The following RABGAP1 variants were observed in gnomAD, a reference collection of about 807,000 sequenced individuals.
The protein encoded by RABGAP1 is rab GTPase-activating protein 1.
In RABGAP1, 23 loss-of-function variants were observed where a neutral mutation model predicts 137.6. The observed-to-expected ratio is 0.17, with a 90% confidence interval of 0.12 to 0.24. The LOEUF (loss-of-function observed/expected upper bound fraction) is 0.24. RABGAP1 is among the 10% of genes least tolerant of loss of function. RABGAP1 has a pLI of 1.00. For missense variants in RABGAP1, 906 were observed against 1,275.8 expected, an observed-to-expected ratio of 0.71 and a Z score of 4.42; for synonymous variants, 451 against 450.7, an observed-to-expected ratio of 1.00 and a Z score of -0.01.
upstream of RABGAP1, chr9:122,940,898 GT>G (rs1833503599): frequency 6.6e-6 from 1 of 152,290 alleles, no homozygotes; most frequent in African/African-American, 2.4e-5. Context: ...TCGCTTCCCG[GT>G]ATTGGGCCAA....
chr9:123,025,135 G>C (rs1158479372), intron 13 of RABGAP1, among the ~76,000 whole-genome samples: 1 of 152,168 alleles, frequency 6.6e-6, no homozygotes, highest in East Asian at 1.9e-4. Flanking sequence ...CTTTCTTCCA[G>C]ATGGATAACC....
chr9:122,989,024 A>G (rs1836519286), intron 4 of RABGAP1, among the ~76,000 whole-genome samples: 1 of 148,814 alleles, frequency 6.7e-6, no homozygotes, highest in Non-Finnish European at 1.5e-5. Flanking sequence ...ATTTTGTAGC[A>G]GACTGTATAA....
chr9:122,997,719 G>A (rs557664901), intron 9 of RABGAP1, among the ~76,000 whole-genome samples: 148 of 152,242 alleles, frequency 9.7e-4, no homozygotes, highest in African/African-American at 3.5e-3. Context: ...ACAGTCCCCA[G>A]GGCTCTGTCC....
chr9:122,950,102 A>G (rs1390087607), intron 1 of RABGAP1, among the ~76,000 whole-genome samples: 3 of 152,194 alleles, frequency 2.0e-5, no homozygotes, highest in Admixed American at 2.0e-4. Context: ...GTTTTGAGGA[A>G]AGGGGAGGTA....
intron 21 of RABGAP1, among the ~76,000 whole-genome samples, chr9:123,091,224 T>C (rs2035022924): frequency 2.6e-5 from 4 of 152,164 alleles, no homozygotes; most frequent in East Asian, 1.9e-4. Flanking sequence ...TTTCTACTCA[T>C]TGGTTTCCTA....
chr9:122,967,843 C>G (rs555991297), intron 2 of RABGAP1, among the ~76,000 whole-genome samples: 1 of 151,954 alleles, frequency 6.6e-6, no homozygotes, highest in South Asian at 2.1e-4. Flanking sequence ...TCTCCTGCCT[C>G]AGCCTCCTGA....
At chr9:123,041,610 G>T (rs1259415052) in intron 13 of RABGAP1, among the ~76,000 whole-genome samples, 1 of 152,110 alleles carries the variant, frequency 6.6e-6, no homozygotes, top group African/African-American at 2.4e-5. Flanking sequence ...GGTATAATAT[G>T]GATAAAAAGA....
At chr9:123,034,636 A>AAGG in intron 13 of RABGAP1, 2 of 1,613,858 alleles carry the variant, frequency 1.2e-6, no homozygotes, top group Non-Finnish European at 1.7e-6. Context: ...CTATTTGGAA[A>AAGG]CTGTCAATTT....
chr9:122,979,977 A>G (rs1281298424), intron 2 of RABGAP1, among the ~76,000 whole-genome samples: 1 of 152,258 alleles, frequency 6.6e-6, no homozygotes, highest in Admixed American at 6.5e-5. Flanking sequence ...TCTGGAGATA[A>G]GTAGTTGCTA....
chr9:123,063,235 T>C (rs2034046566), intron 13 of RABGAP1: 1 of 152,822 alleles, frequency 6.5e-6, no homozygotes, highest in African/African-American at 2.4e-5. Context: ...CCTTCGTAGT[T>C]GTCTTAAACC....
At chr9:122,989,985 AT>A (rs1836584091) in intron 5 of RABGAP1, 70 bp from the exon 6 acceptor site, 1 of 1,409,822 alleles carries the variant, frequency 7.1e-7, no homozygotes. Context: ...AAAGTAGGTA[AT>A]CTTCCAGCCT....
chr9:122,933,716 C>T, the RABGAP1 span, among the ~76,000 whole-genome samples: 14 of 152,046 alleles, frequency 9.2e-5, no homozygotes, highest in Non-Finnish European at 2.1e-4. Flanking sequence ...CCTCCACCTC[C>T]TGGGTTCAAG....
At chr9:123,075,686 T>G (rs191242739) in intron 17 of RABGAP1, among the ~76,000 whole-genome samples, 36 of 152,330 alleles carry the variant, frequency 2.4e-4, no homozygotes, top group Admixed American at 2.2e-3. Flanking sequence ...TTACATAAAC[T>G]TTTCAGCTAA....
intron 13 of RABGAP1, among the ~76,000 whole-genome samples, chr9:123,046,522 AC>A (rs34867786): frequency 0.012 from 1,790 of 152,286 alleles, 12 homozygotes; most frequent in Non-Finnish European, 0.019. Flanking sequence ...TAGCTGTGAG[AC>A]CTGGGGCAAA....
Position 122,989,416 on chromosome 9 carries a change from A to G in RABGAP1, c.710A>G (p.His237Arg), listed in dbSNP as rs1394801460. ...GACTGTTTTGCTTTCACTGAAAGTC[A>G]TTACAATGCAGAGCTCTTCAGAATA... ...ESDCFAFTES[H>R]YNAELFRIHV... Residue 237 changes from histidine (H) to arginine (R), a missense_variant, in exon 5 of 26, where the codon CAT becomes CGT. By Grantham distance (29) the His-to-Arg change is conservative. Coordinates refer to ENST00000373647, the MANE Select transcript of RABGAP1 (RefSeq NM_012197.4). 1 of 1,613,996 alleles carries G rather than the reference A, an allele frequency of 6.2e-7. No individual in the cohort carries two copies. The highest frequency in any genetic ancestry group is 8.5e-7 in the Non-Finnish European group (1 of 1,180,026).
chr9:122,940,125 T>A (rs1833472972), upstream of RABGAP1: 1 of 152,254 alleles, frequency 6.6e-6, no homozygotes, highest in Non-Finnish European at 1.5e-5. Context: ...TATGATCGTC[T>A]GTGAATAGCC....
Position 123,070,433 on chromosome 9 carries a change from T to G in RABGAP1, c.1983+9T>G, listed in dbSNP as rs2034317178. ...CTGTGCTCCTTCTCCATGTGAGTAA[T>G]TAGGTCTCTGTTATGACTTAACACA... On this transcript the variant is annotated intron_variant, in intron 15 of 25. Coordinates refer to ENST00000373647, the MANE Select transcript of RABGAP1 (RefSeq NM_012197.4). The surrounding 1 kb of genome is among the most constrained non-coding windows in gnomAD (Gnocchi z 4.4). 1.2e-6 allele frequency: 2 copies of G among 1,613,968 alleles called. No individual in the cohort carries two copies. Among genetic ancestry groups the G allele is most frequent in the Admixed American group, 3.3e-5 (2 of 59,990 alleles).
At chr9:123,016,030 A>G (rs2031200685) in intron 12 of RABGAP1, among the ~76,000 whole-genome samples, 2 of 152,190 alleles carry the variant, frequency 1.3e-5, no homozygotes, top group African/African-American at 2.4e-5. Flanking sequence ...CTTATCTGTG[A>G]TAAGTATCTA....
chr9:123,035,093 A>G (rs975376777), intron 13 of RABGAP1: 1 of 1,613,908 alleles, frequency 6.2e-7, no homozygotes, highest in South Asian at 1.1e-5. Flanking sequence ...TATCATGGAG[A>G]TGTGTTTCAG....
Sources: gnomAD v4.1 joint callset for allele counts (sites outside exome capture counted in the v4.1 genomes callset) on GRCh38, gnomAD v4.1.1 for gene constraint, Gnocchi (gnomAD v3.1) non-coding constraint, MANE v1.5 for transcripts, NCBI Gene and HGNC (gene_info 2026-07-23, HGNC 2026-07-21) for gene names.